CYS1: variants seen among roughly 807,000 people sequenced by gnomAD.
CYS1 encodes cystin-1.
Under a neutral mutation model 9.6 loss-of-function variants are expected in CYS1, and 5 were observed. The observed-to-expected ratio is 0.52, with a 90% CI of 0.27 to 1.10. The LOEUF (loss-of-function observed/expected upper bound fraction) is 1.10, where lower values mean the gene tolerates loss of function less well. CYS1 is among the 50% of genes least tolerant of loss of function. CYS1 has a pLI of 0.11. For synonymous variants in CYS1, 88 were observed against 95.7 expected, an observed-to-expected ratio of 0.92 and a Z score of 0.47; for missense variants, 221 against 207.9, an observed-to-expected ratio of 1.06 and a Z score of -0.39.
intron 2 of CYS1, among the ~76,000 whole-genome samples, chr2:10,062,393 C>A (rs1275519697): frequency 6.6e-6 from 1 of 151,158 alleles, no homozygotes; most frequent in Admixed American, 6.6e-5. Flanking sequence ...AGAATTTTCT[C>A]TTTTTTTCTT....
chr2:10,066,102 A>G (rs1237403576), intron 1 of CYS1, 146 bp from the exon 2 acceptor site: 4 of 850,300 alleles, frequency 4.7e-6, no homozygotes. Context: ...CGAGCTGTCA[A>G]GTTCCATCCA....
At chr2:10,060,762 T>TGGCTGTGG (rs1338719993) in intron 2 of CYS1, among the ~76,000 whole-genome samples, 59 of 152,364 alleles carry the variant, frequency 3.9e-4, no homozygotes, top group African/African-American at 1.4e-3. Context: ...AGTCGCTGTG[T>TGGCTGTGG]GGCTGTGGGC....
chr2:10,079,944 G>A lies in CYS1; in HGVS notation c.280C>T (p.Pro94Ser). 1 of 1,120,298 alleles carries A rather than the reference G, an allele frequency of 8.9e-7. No individual in the cohort carries two copies. The highest frequency in any genetic ancestry group is 1.1e-6 in the Non-Finnish European group (1 of 916,388). 69.4% of individuals were successfully genotyped at this position (1,120,298 alleles called of 1,614,324 possible). The change falls in exon 1 of 3, where the codon CCA becomes TCA. Residue 94 changes from proline (P) to serine (S), a missense_variant. By Grantham distance (74) the Pro-to-Ser change is moderately conservative. Transcript: ENST00000381813. ...WGPPEPAPRRPARLRPTAVAG... is the reference protein window; with the variant it reads ...WGPPEPAPRRSARLRPTAVAG... Reference sequence around the variant, plus strand: ...ACCGCGGTGGGTCGGAGCCGGGCTGGGCGGCGCGGGGCGGGCTCCGGGGGG... The same window carrying A: ...ACCGCGGTGGGTCGGAGCCGGGCTGAGCGGCGCGGGGCGGGCTCCGGGGGG...
At chr2:10,071,917 G>A (rs150745357) in intron 1 of CYS1, among the ~76,000 whole-genome samples, 134 of 152,276 alleles carry the variant, frequency 8.8e-4, no homozygotes, top group African/African-American at 2.9e-3. Flanking sequence ...GTTTGTGTGC[G>A]TGCGAGGGGT....
Position 10,063,409 on chromosome 2 carries a change from C to T in CYS1, c.371+2495G>A, listed in dbSNP as rs560865265. Among the ~76,000 whole-genome samples the T allele has an allele frequency of 9.9e-5, 15 of 152,118 alleles. No homozygotes were observed. The highest frequency in any genetic ancestry group is 2.2e-4 in the African/African-American group (9 of 41,450). On this transcript the variant is annotated intron_variant, in intron 2 of 2. Transcript: ENST00000381813. This position sits in a 1 kb window ranked among gnomAD's most constrained non-coding sequence, Gnocchi z 4.2. ...ACTGTGCTTTGAAGGGTTTCTTCTTCGATATTTTATTATGAAAAATTTCAA... is the reference window on the plus strand; with the variant it reads ...ACTGTGCTTTGAAGGGTTTCTTCTTTGATATTTTATTATGAAAAATTTCAA...
intron 1 of CYS1, among the ~76,000 whole-genome samples, chr2:10,073,774 G>T (rs999377221): frequency 2.6e-5 from 4 of 152,196 alleles, no homozygotes. Flanking sequence ...CTCGAAGAGT[G>T]CATGAGCCGA....
In CYS1 at chr2:10,076,156, C is replaced by T. The variant is rs772385395; in HGVS notation, c.318+3750G>A. Among the ~76,000 whole-genome samples, 56 of 152,062 alleles carry T rather than the reference C, an allele frequency of 3.7e-4. No individual in the cohort carries two copies. Among genetic ancestry groups the T allele is most frequent in the Non-Finnish European group, 6.5e-4 (44 of 67,982 alleles). On this transcript the variant is annotated intron_variant, in intron 1 of 2. Coordinates refer to ENST00000381813, the MANE Select transcript of CYS1 (RefSeq NM_001037160.3). This position sits in a 1 kb window ranked among gnomAD's most constrained non-coding sequence, Gnocchi z 4.3. ...GTGAGCCGATGCACTCCAGCCTGGG[C>T]GACAGACCAAGATTCCATCTCAAAA... is the stretch of plus-strand genomic sequence containing the variant.
intron 1 of CYS1, among the ~76,000 whole-genome samples, chr2:10,069,494 G>A (rs1397914235): frequency 2.6e-5 from 4 of 151,862 alleles, no homozygotes; most frequent in Non-Finnish European, 4.4e-5. Flanking sequence ...TCAGACTCCC[G>A]AGTAGCTGGG....
chr2:10,057,755 G>T lies in CYS1; in HGVS notation c.*1098C>A, dbSNP rs1374064639. On this transcript the variant is annotated 3_prime_UTR_variant, in exon 3 of 3. Transcript: ENST00000381813. ...CTGTTCTCCCCACAGCTCTCCCCCGGAGCTGTCCCCCAGCAGGCCACACCT... is the reference window on the plus strand; with the variant it reads ...CTGTTCTCCCCACAGCTCTCCCCCGTAGCTGTCCCCCAGCAGGCCACACCT... 1 of 152,564 alleles carries T rather than the reference G, an allele frequency of 6.6e-6. No homozygotes were observed. The highest frequency in any genetic ancestry group is 1.5e-5 in the Non-Finnish European group (1 of 68,478). The allele number at this position is 152,564 out of a possible 1,614,324, so 9.5% of individuals were successfully genotyped here.
intron 1 of CYS1, among the ~76,000 whole-genome samples, chr2:10,078,422 C>T (rs572884570): frequency 6.6e-6 from 1 of 152,212 alleles, no homozygotes; most frequent in Non-Finnish European, 1.5e-5. Flanking sequence ...AACCCAAACT[C>T]GCTAACATGG....
Position 10,065,905 on chromosome 2 carries a change from C to T in CYS1, c.370G>A (p.Glu124Lys), listed in dbSNP as rs1553316031. Residue 124 changes from glutamate to lysine, a missense_variant and splice_region_variant, in exon 2 of 3, where the codon GAA (glutamate) becomes AAA (lysine). Physicochemically the swap from Glu to Lys is moderately conservative, Grantham distance 56. Transcript: ENST00000381813. ...GAGATGTGCCTCCCTGGTACTTACT[C>T]AGAGACATTGCCGCTCCCCGGGTGG... The part of the protein sequence containing the change: ...EGHPGSGNVS[E>K]APGSGRKKPE... 4 of 1,614,226 alleles carry T rather than the reference C, an allele frequency of 2.5e-6. No individual in the cohort carries two copies. The South Asian group carries it at 3.3e-5, about 13-fold the overall frequency.
rs376005113 is a variant in CYS1 at position 10,076,416 on chromosome 2, C to T, written c.318+3490G>A. Among the ~76,000 whole-genome samples the T allele has an allele frequency of 3.9e-5, 6 of 152,198 alleles. No individual in the cohort carries two copies. Among genetic ancestry groups the T allele is most frequent in the Admixed American group, 1.3e-4 (2 of 15,282 alleles). ...AGAGCCTTCCTACAAGAGCTGACTGCACCGCCCTCCTTGTGTCCTATTCTC... is the reference window on the plus strand; with the variant it reads ...AGAGCCTTCCTACAAGAGCTGACTGTACCGCCCTCCTTGTGTCCTATTCTC... On this transcript the variant is annotated intron_variant, in intron 1 of 2. Coordinates refer to ENST00000381813, the MANE Select transcript of CYS1 (RefSeq NM_001037160.3). The surrounding 1 kb of genome is among the most constrained non-coding windows in gnomAD (Gnocchi z 4.3).
At chr2:10,078,464 C>A (rs1265737880) in intron 1 of CYS1, among the ~76,000 whole-genome samples, 4 of 152,230 alleles carry the variant, frequency 2.6e-5, no homozygotes, top group African/African-American at 4.8e-5. Context: ...TGCAGCCTGG[C>A]ATACTCTCCT....
At chr2:10,074,220 G>A (rs934772214) in intron 1 of CYS1, among the ~76,000 whole-genome samples, 2 of 152,112 alleles carry the variant, frequency 1.3e-5, no homozygotes, top group African/African-American at 4.8e-5. Flanking sequence ...CAGGAATTTC[G>A]GACAGCCCAC....
At position 10,057,912 on chromosome 2, in the gene CYS1, G is replaced by A. The variant is rs150848410; in HGVS notation, c.*941C>T. ...CCAGGAACATTCCAAGGCTCTTCCT[G>A]CCTCACTGCTGTGGTTTCCCACCTT... On this transcript the variant is annotated 3_prime_UTR_variant, in exon 3 of 3. Transcript: ENST00000381813. 9.1e-4 allele frequency: 138 copies of A among 152,422 alleles called. 1 individual carries two copies. In the East Asian group the frequency reaches 0.024, roughly 26 times the overall value. 9.4% of individuals were successfully genotyped at this position (152,422 alleles called of 1,614,324 possible). A position where few individuals can be genotyped will look rare whatever the true frequency, so the allele number is the denominator to read the frequency against.
chr2:10,061,403 C>T (rs1661624901), intron 2 of CYS1, among the ~76,000 whole-genome samples: 1 of 152,192 alleles, frequency 6.6e-6, no homozygotes, highest in East Asian at 1.9e-4. Flanking sequence ...GCACGGGACG[C>T]CCAGACACCC....
intron 2 of CYS1, among the ~76,000 whole-genome samples, chr2:10,059,554 G>A (rs750713382): frequency 2.4e-4 from 37 of 152,236 alleles, no homozygotes; most frequent in African/African-American, 7.5e-4. Flanking sequence ...AAAATTATCC[G>A]GGTGGGGTGA....
chr2:10,079,095 G>A (rs1053937379), intron 1 of CYS1, among the ~76,000 whole-genome samples: 1 of 152,186 alleles, frequency 6.6e-6, no homozygotes, highest in South Asian at 2.1e-4. Flanking sequence ...AAGACCGTAA[G>A]GGAGAGGAGC....
rs1661658831 is a variant in CYS1, at chr2:10,063,777, T to C, written c.371+2127A>G. ...CGTGGGCAGCGAGAAGCACAGTGGGTACAGGGCAGATGCTGCCAGCCCTGA... is the reference window on the plus strand; with the variant it reads ...CGTGGGCAGCGAGAAGCACAGTGGGCACAGGGCAGATGCTGCCAGCCCTGA... On this transcript the variant is annotated intron_variant, in intron 2 of 2. Coordinates refer to ENST00000381813, the MANE Select transcript of CYS1 (RefSeq NM_001037160.3). The surrounding 1 kb of genome is among the most constrained non-coding windows in gnomAD (Gnocchi z 4.2). Among the ~76,000 whole-genome samples, 1 of 152,100 alleles carries C rather than the reference T, an allele frequency of 6.6e-6. No individual in the cohort carries two copies. Among genetic ancestry groups the C allele is most frequent in the Non-Finnish European group, 1.5e-5 (1 of 68,008 alleles).
Sources: gnomAD v4.1 joint callset for allele counts (sites outside exome capture counted in the v4.1 genomes callset) on GRCh38, gnomAD v4.1.1 for gene constraint, Gnocchi (gnomAD v3.1) non-coding constraint, MANE v1.5 for transcripts, NCBI Gene and HGNC (gene_info 2026-07-23, HGNC 2026-07-21) for gene names.